Variants in CSMD1 observed in about 807,000 individuals in gnomAD.
CSMD1 encodes the protein CUB and Sushi multiple domains 1, also known as CUB and sushi domain-containing protein 1.
Under a neutral mutation model 417.5 loss-of-function variants are expected in CSMD1, and 213 were observed. That is an observed-to-expected ratio of 0.51 (90% CI 0.46 to 0.57). CSMD1 has a LOEUF of 0.57. Ranked by LOEUF, CSMD1 falls within the 20% of genes least tolerant of loss-of-function variation. CSMD1 has a pLI of 0.00. For synonymous variants in CSMD1, 2,862 were observed against 1,736.8 expected, an observed-to-expected ratio of 1.65 and a Z score of -16.11; for missense variants, 6,923 against 4,529.7, an observed-to-expected ratio of 1.53 and a Z score of -15.17.
intron 3 of CSMD1, among the ~76,000 whole-genome samples, chr8:4,083,997 G>A (rs1035501639): frequency 6.6e-6 from 1 of 151,658 alleles, no homozygotes. Context: ...AAATTTACAA[G>A]AAAAAAACAA....
intron 5 of CSMD1, among the ~76,000 whole-genome samples, chr8:3,853,766 G>A (rs755022351): frequency 2.6e-5 from 4 of 151,516 alleles, no homozygotes; most frequent in African/African-American, 7.3e-5. Flanking sequence ...TATACCTAAT[G>A]CTAAATGACG....
At chr8:4,895,423 A>G (rs928580381) in intron 1 of CSMD1, among the ~76,000 whole-genome samples, 1 of 152,138 alleles carries the variant, frequency 6.6e-6, no homozygotes, top group Non-Finnish European at 1.5e-5. Flanking sequence ...AAGCCTGAGT[A>G]AATTTCATTT....
At chr8:4,117,719 A>G (rs551353318) in intron 3 of CSMD1, among the ~76,000 whole-genome samples, 6 of 152,298 alleles carry the variant, frequency 3.9e-5, no homozygotes, top group African/African-American at 1.4e-4. Context: ...TTCATCACAT[A>G]GCTTTTAGAG....
In CSMD1 at chr8:3,782,314, T is replaced by C. The variant is rs1799226510; in HGVS notation, c.819-28272A>G. Among the ~76,000 whole-genome samples, 2 of 152,198 alleles carry C rather than the reference T, an allele frequency of 1.3e-5. 1 individual carries two copies. Among genetic ancestry groups the C allele is most frequent in the South Asian group, 4.1e-4 (2 of 4,834 alleles). On this transcript the variant is annotated intron_variant, in intron 5 of 69. Transcript: ENST00000635120. ...TATATTTCCATGCTAACCATACTTGTATGATACTGTGGCCCTATAGGAAAA... is the reference window on the plus strand; with the variant it reads ...TATATTTCCATGCTAACCATACTTGCATGATACTGTGGCCCTATAGGAAAA...
intron 3 of CSMD1, among the ~76,000 whole-genome samples, chr8:4,047,607 T>C (rs184477089): frequency 1.3e-5 from 2 of 152,276 alleles, no homozygotes; most frequent in Non-Finnish European, 2.9e-5. Flanking sequence ...ATGTGTGGAA[T>C]ATTTTTCCAG....
chr8:3,176,781 TC>T (rs1194905683), intron 37 of CSMD1, among the ~76,000 whole-genome samples: 1 of 116,810 alleles, frequency 8.6e-6, no homozygotes, highest in Non-Finnish European at 1.8e-5. Flanking sequence ...TCTTTTTCTT[TC>T]TTTTTTTTTT....
At chr8:4,939,013 T>C (rs779846409) in intron 1 of CSMD1, among the ~76,000 whole-genome samples, 1 of 152,190 alleles carries the variant, frequency 6.6e-6, no homozygotes, top group African/African-American at 2.4e-5. Context: ...TATTGAGTCA[T>C]AGGAATGTTT....
At chr8:3,892,939 G>C (rs553102723) in intron 5 of CSMD1, among the ~76,000 whole-genome samples, 6 of 148,208 alleles carry the variant, frequency 4.0e-5, no homozygotes, top group Non-Finnish European at 6.0e-5. Context: ...TTAACTTGAA[G>C]GAAGTTTTCT....
intron 1 of CSMD1, among the ~76,000 whole-genome samples, chr8:4,758,816 C>T (rs1811838880): frequency 6.6e-6 from 1 of 152,086 alleles, no homozygotes; most frequent in Admixed American, 6.5e-5. Context: ...CCCCATAATC[C>T]AACCACCTCC....
chr8:4,372,764 T>G (rs767125896), intron 3 of CSMD1, among the ~76,000 whole-genome samples: 8 of 151,700 alleles, frequency 5.3e-5, no homozygotes, highest in Non-Finnish European at 1.2e-4. Flanking sequence ...AAAAGTAGCA[T>G]TGGATAACCC....
intron 6 of CSMD1, among the ~76,000 whole-genome samples, chr8:3,751,483 T>C (rs977907960): frequency 6.7e-6 from 1 of 148,310 alleles, no homozygotes; most frequent in Non-Finnish European, 1.5e-5. Context: ...AAGCATATAT[T>C]ATAGAATATA....
chr8:3,845,542 T>G (rs79850106), intron 5 of CSMD1, among the ~76,000 whole-genome samples: 6,509 of 152,272 alleles, frequency 0.043, 337 homozygotes, highest in African/African-American at 0.11. Flanking sequence ...GACCAGAAGT[T>G]GCTCTGGGTG....
chr8:4,168,644 C>G (rs1797591059), intron 3 of CSMD1, among the ~76,000 whole-genome samples: 1 of 152,100 alleles, frequency 6.6e-6, no homozygotes, highest in Admixed American at 6.5e-5. Context: ...ATCATGTTTT[C>G]TACTCTGGAG....
chr8:4,391,098 T>C (rs571746201), intron 3 of CSMD1, among the ~76,000 whole-genome samples: 1 of 152,308 alleles, frequency 6.6e-6, no homozygotes, highest in Non-Finnish European at 1.5e-5. Context: ...GGACATAAAC[T>C]GAAGGCAGCC....
intron 26 of CSMD1, among the ~76,000 whole-genome samples, chr8:3,273,999 A>G (rs943324941): frequency 2.0e-5 from 3 of 150,900 alleles, no homozygotes; most frequent in Non-Finnish European, 4.4e-5. Context: ...TTGCTTTTCT[A>G]GTTCTTTTAA....
At chr8:3,119,340 C>A (rs1585398888) in intron 41 of CSMD1, among the ~76,000 whole-genome samples, 1 of 87,986 alleles carries the variant, frequency 1.1e-5, no homozygotes. Context: ...TTTAACTATA[C>A]AAATATAACA....
chr8:4,791,889 A>G (rs9693019), intron 1 of CSMD1, among the ~76,000 whole-genome samples: 10,420 of 151,810 alleles, frequency 0.069, 423 homozygotes, highest in African/African-American at 0.11. Context: ...TTCAGCAACA[A>G]TTGGTTCATC....
intron 3 of CSMD1, among the ~76,000 whole-genome samples, chr8:4,124,141 G>A (rs957120077): frequency 5.3e-5 from 8 of 152,222 alleles, no homozygotes; most frequent in African/African-American, 1.7e-4. Context: ...AGTGATGAAT[G>A]TTGTCCTAAA....
intron 2 of CSMD1, among the ~76,000 whole-genome samples, chr8:4,601,064 C>T (rs1367954509): frequency 6.6e-6 from 1 of 150,460 alleles, no homozygotes; most frequent in Non-Finnish European, 1.5e-5. Context: ...TCAAGCGATT[C>T]TCCTGCCTCA....
Sources: gnomAD v4.1 joint callset for allele counts (sites outside exome capture counted in the v4.1 genomes callset) on GRCh38, gnomAD v4.1.1 for gene constraint, MANE v1.5 for transcripts, NCBI Gene and HGNC (gene_info 2026-07-23, HGNC 2026-07-21) for gene names.